The following PPFIA2 variants were observed in gnomAD, a reference collection of about 807,000 sequenced individuals.
PPFIA2 encodes PPFI scaffold protein A2.
PPFIA2 carries 46 observed loss-of-function variants against 175.5 expected under a neutral mutation model. The observed-to-expected ratio is 0.26, with a 90% CI of 0.21 to 0.34. The LOEUF (loss-of-function observed/expected upper bound fraction) is 0.34. Among genes scored for constraint, PPFIA2 ranks in the 10% least tolerant of loss-of-function variants. PPFIA2 has a pLI of 1.00. For synonymous variants in PPFIA2, 568 were observed against 511.4 expected, an observed-to-expected ratio of 1.11 and a Z score of -1.49; for missense variants, 1,179 against 1,506.1, an observed-to-expected ratio of 0.78 and a Z score of 3.60.
rs563820696 is a variant in PPFIA2, at chr12:81,485,740, C to T, written c.304-27874G>A. Among the ~76,000 whole-genome samples, 9 of 151,784 alleles carry T rather than the reference C, an allele frequency of 5.9e-5. No individual in the cohort carries two copies. The South Asian group carries it at 6.2e-4, about 10-fold the overall frequency. ...ACTTAAAATATAAGTTTCTATGAGA[C>T]GATAAAATGTAAATTTTTGCCATTA... On this transcript the variant is annotated intron_variant, in intron 4 of 32. Coordinates refer to ENST00000549396, the MANE Select transcript of PPFIA2 (RefSeq NM_003625.5).
At chr12:81,639,330 AC>A (rs1324158975) in intron 4 of PPFIA2, among the ~76,000 whole-genome samples, 2 of 152,116 alleles carry the variant, frequency 1.3e-5, no homozygotes, top group East Asian at 1.9e-4. Flanking sequence ...TGCAAGAAAA[AC>A]AACATTTAGC....
chr12:81,282,219 A>G (rs994014637), intron 26 of PPFIA2, among the ~76,000 whole-genome samples: 8 of 152,062 alleles, frequency 5.3e-5, no homozygotes, highest in African/African-American at 1.9e-4. Context: ...TTTTTACAGA[A>G]TTCCCATTTA....
chr12:81,479,244 GC>G (rs1399489397), intron 4 of PPFIA2, among the ~76,000 whole-genome samples: 1 of 151,978 alleles, frequency 6.6e-6, no homozygotes, highest in East Asian at 1.9e-4. Flanking sequence ...TGCAACCCCT[GC>G]TTTTTTGTTT....
chr12:81,379,194 C>A (rs1353519111), intron 9 of PPFIA2, among the ~76,000 whole-genome samples: 1 of 152,086 alleles, frequency 6.6e-6, no homozygotes, highest in Non-Finnish European at 1.5e-5. Context: ...GCTTTTCCCT[C>A]TGTCATTTGA....
At chr12:81,527,658 T>C (rs2063890876) in intron 4 of PPFIA2, among the ~76,000 whole-genome samples, 1 of 152,156 alleles carries the variant, frequency 6.6e-6, no homozygotes, top group Admixed American at 6.6e-5. Flanking sequence ...TACAATTTAT[T>C]ATATATTTCT....
chr12:81,735,019 T>C (rs565397908), intron 3 of PPFIA2, among the ~76,000 whole-genome samples: 11 of 151,868 alleles, frequency 7.2e-5, no homozygotes, highest in Non-Finnish European at 1.5e-4. Flanking sequence ...TATTGCTGAA[T>C]AGCATTTCAT....
chr12:81,725,483 C>T (rs1439025328), intron 3 of PPFIA2, among the ~76,000 whole-genome samples: 1 of 150,652 alleles, frequency 6.6e-6, no homozygotes, highest in Non-Finnish European at 1.5e-5. Flanking sequence ...TAATACACTG[C>T]CTATCCGAAC....
chr12:81,525,472 G>C (rs1291257051), intron 4 of PPFIA2, among the ~76,000 whole-genome samples: 1 of 152,136 alleles, frequency 6.6e-6, no homozygotes, highest in African/African-American at 2.4e-5. Context: ...TTGAAGGAAA[G>C]TGTAGGTAAC....
chr12:81,488,031 G>C (rs2059017114), intron 4 of PPFIA2, among the ~76,000 whole-genome samples: 1 of 151,804 alleles, frequency 6.6e-6, no homozygotes, highest in Non-Finnish European at 1.5e-5. Flanking sequence ...GGATACATTA[G>C]TTGTGGCCGA....
At chr12:81,756,979 T>C (rs996330104) in intron 2 of PPFIA2, among the ~76,000 whole-genome samples, 21 of 152,232 alleles carry the variant, frequency 1.4e-4, no homozygotes, top group African/African-American at 4.8e-4. Context: ...AAAGTCTTCT[T>C]ATCAAAATTA....
At chr12:81,597,911 A>G (rs200477912) in intron 4 of PPFIA2, 6 of 1,522,398 alleles carry the variant, frequency 3.9e-6, no homozygotes, top group Admixed American at 2.0e-5. Context: ...TTGACAATAC[A>G]TTAACTTACT....
chr12:81,515,014 A>C, intron 4 of PPFIA2, among the ~76,000 whole-genome samples: 1 of 151,988 alleles, frequency 6.6e-6, no homozygotes, highest in East Asian at 1.9e-4. Context: ...ATATACAGCT[A>C]AAATAAATTT....
intron 4 of PPFIA2, among the ~76,000 whole-genome samples, chr12:81,630,695 C>G (rs1375062744): frequency 1.3e-5 from 2 of 151,998 alleles, no homozygotes; most frequent in Non-Finnish European, 2.9e-5. Flanking sequence ...ACTTCAGAAA[C>G]TAAGACTTTT....
At chr12:81,567,308 CA>C (rs1374739981) in intron 4 of PPFIA2, among the ~76,000 whole-genome samples, 1 of 152,166 alleles carries the variant, frequency 6.6e-6, no homozygotes, top group African/African-American at 2.4e-5. Context: ...CTCGGCTTCC[CA>C]AAGTGCTGGG....
At chr12:81,528,807 C>T (rs2064075389) in intron 4 of PPFIA2, among the ~76,000 whole-genome samples, 1 of 151,888 alleles carries the variant, frequency 6.6e-6, no homozygotes, top group Non-Finnish European at 1.5e-5. Flanking sequence ...AGTGCTCACC[C>T]ACACAACCGA....
At chr12:81,454,388 A>G (rs1388483780) in intron 5 of PPFIA2, among the ~76,000 whole-genome samples, 5 of 152,194 alleles carry the variant, frequency 3.3e-5, no homozygotes, top group Admixed American at 6.5e-5. Context: ...TGTTTCATTT[A>G]TAAGCCATTT....
At chr12:81,272,297 G>T (rs778713130) in intron 28 of PPFIA2, among the ~76,000 whole-genome samples, 11 of 151,812 alleles carry the variant, frequency 7.2e-5, no homozygotes, top group Non-Finnish European at 1.6e-4. Flanking sequence ...GTCTCCACCA[G>T]TATCTTTTCA....
At chr12:81,272,275 T>A (rs2039340645) in intron 28 of PPFIA2, among the ~76,000 whole-genome samples, 1 of 152,152 alleles carries the variant, frequency 6.6e-6, no homozygotes, top group African/African-American at 2.4e-5. Context: ...ATTTCAATTA[T>A]TTTCTTTTTA....
At chr12:81,359,045 C>T (rs894207426) in intron 15 of PPFIA2, among the ~76,000 whole-genome samples, 1 of 151,954 alleles carries the variant, frequency 6.6e-6, no homozygotes, top group African/African-American at 2.4e-5. Context: ...AGATTTATAG[C>T]AAATTCATTT....
Sources: gnomAD v4.1 joint callset for allele counts (sites outside exome capture counted in the v4.1 genomes callset) on GRCh38, gnomAD v4.1.1 for gene constraint, MANE v1.5 for transcripts, NCBI Gene and HGNC (gene_info 2026-07-23, HGNC 2026-07-21) for gene names.